The following CPSF3 variants were observed in gnomAD, a reference collection of about 807,000 sequenced individuals.
The protein encoded by CPSF3 is cleavage and polyadenylation specific factor 3, also known as cleavage and polyadenylation specificity factor subunit 3.
Under a neutral mutation model 84.1 loss-of-function variants are expected in CPSF3, and 57 were observed. The ratio of observed to expected loss-of-function variants is 0.68; its 90% CI spans 0.55 to 0.85. The LOEUF (loss-of-function observed/expected upper bound fraction) is 0.85, where lower values mean the gene tolerates loss of function less well. Among genes scored for constraint, CPSF3 ranks in the 40% least tolerant of loss-of-function variants. The pLI, the probability that CPSF3 is intolerant of heterozygous loss-of-function variation, is 0.00. For synonymous variants in CPSF3, 275 were observed against 278.1 expected, an observed-to-expected ratio of 0.99 and a Z score of 0.11; for missense variants, 522 against 838.8, an observed-to-expected ratio of 0.62 and a Z score of 4.66.
chr2:9,448,422 T>C lies in CPSF3; in HGVS notation c.1395+72T>C, dbSNP rs76965897. ...GGAAAGACTGTACTTCTTAAGAAAA[T>C]AGATCTTTAGTCAAAAGAATATGCT... is the stretch of plus-strand genomic sequence containing the variant. On this transcript the variant is annotated intron_variant, in intron 11 of 17. Transcript: ENST00000238112. The C allele has an allele frequency of 8.8e-3, 10,546 of 1,202,412 alleles. 688 individuals carry two copies. The African/African-American group carries it at 0.14, about 16-fold the overall frequency. The allele number at this position is 1,202,412 out of a possible 1,614,324, so 74.5% of individuals were successfully genotyped here.
rs138272873 is a variant in CPSF3 at position 9,436,882 on chromosome 2, G to T, written c.760+521G>T. Among the ~76,000 whole-genome samples, 35 of 152,130 alleles carry T rather than the reference G, an allele frequency of 2.3e-4. No homozygotes were observed. In the East Asian group the frequency reaches 6.8e-3, roughly 29 times the overall value. ...TGTGAACTGGCGACCCCTTCCGGTTGCCATCAGAAGTCTTAAAATATGTGT... is the reference window on the plus strand; with the variant it reads ...TGTGAACTGGCGACCCCTTCCGGTTTCCATCAGAAGTCTTAAAATATGTGT... On this transcript the variant is annotated intron_variant, in intron 7 of 17. Coordinates refer to ENST00000238112, the MANE Select transcript of CPSF3 (RefSeq NM_016207.4).
intron 15 of CPSF3, among the ~76,000 whole-genome samples, chr2:9,466,263 CAAAGA>C (rs1558466180): frequency 4.3e-5 from 2 of 46,972 alleles, no homozygotes; most frequent in African/African-American, 1.1e-4. Context: ...CACACGCACA[CAAAGA>C]CGCACGCACA....
At chr2:9,430,075 C>A in intron 3 of CPSF3, 55 bp downstream of exon 3, 1 of 1,030,820 alleles carries the variant, frequency 9.7e-7, no homozygotes, top group South Asian at 1.5e-5. Flanking sequence ...CTATCAAGAT[C>A]ATTCTTTACT....
chr2:9,457,354 GT>G (rs1681569759), intron 14 of CPSF3, among the ~76,000 whole-genome samples: 1 of 152,018 alleles, frequency 6.6e-6, no homozygotes. Flanking sequence ...GATGTCTTTA[GT>G]TATATCAGAA....
intron 15 of CPSF3, among the ~76,000 whole-genome samples, chr2:9,466,109 G>A (rs1362491485): frequency 6.6e-6 from 1 of 152,136 alleles, no homozygotes; most frequent in South Asian, 2.1e-4. Flanking sequence ...GGGAGGCACA[G>A]GGGAGCAGAT....
At chr2:9,447,657 G>A (rs1452762326) in intron 10 of CPSF3, among the ~76,000 whole-genome samples, 1 of 151,364 alleles carries the variant, frequency 6.6e-6, no homozygotes, top group East Asian at 1.9e-4. Flanking sequence ...TACCTATAGT[G>A]CCAGCTACTC....
chr2:9,432,668 A>T lies in CPSF3; in HGVS notation c.499A>T (p.Ile167Phe). The change falls in exon 5 of 18, where the codon ATT becomes TTT. Residue 167 changes from isoleucine (I) to phenylalanine (F), a missense_variant. By Grantham distance (21) the Ile-to-Phe change is conservative. Transcript: ENST00000238112. ...CGTCCTAGGAGCCGCCATGTTCATGATTGAGATCGCAGGCGTGAAGGTACC... is the reference window on the plus strand; with the variant it reads ...CGTCCTAGGAGCCGCCATGTTCATGTTTGAGATCGCAGGCGTGAAGGTACC... ...GHVLGAAMFM[I>F]EIAGVKLLYT... The T allele has an allele frequency of 6.5e-7, 1 of 1,542,670 alleles. No homozygotes were observed. Among genetic ancestry groups the T allele is most frequent in the African/African-American group, 1.3e-5 (1 of 74,252 alleles).
chr2:9,432,378 T>A, intron 4 of CPSF3, 133 bp from the exon 5 acceptor site: 1 of 596,882 alleles, frequency 1.7e-6, no homozygotes, highest in Non-Finnish European at 2.5e-6. Flanking sequence ...TGAGAAATTT[T>A]AAATACATGA....
intron 10 of CPSF3, among the ~76,000 whole-genome samples, chr2:9,446,404 C>G (rs987551167): frequency 6.6e-6 from 1 of 151,948 alleles, no homozygotes; most frequent in African/African-American, 2.4e-5. Flanking sequence ...CACGGTGAAA[C>G]CCCGTCTCTA....
intron 7 of CPSF3, among the ~76,000 whole-genome samples, chr2:9,438,676 A>C (rs947683881): frequency 6.6e-6 from 1 of 151,650 alleles, no homozygotes; most frequent in African/African-American, 2.4e-5. Flanking sequence ...TTGTATTTTT[A>C]GTAGAGACGA....
Position 9,450,966 on chromosome 2 carries a change from T to C in CPSF3, c.1396-1947T>C, listed in dbSNP as rs138395809. Among the ~76,000 whole-genome samples, 75 of 151,820 alleles carry C rather than the reference T, an allele frequency of 4.9e-4. 2 individuals are homozygous for C. The East Asian group carries it at 0.011, about 22-fold the overall frequency. ...TGAGTCTTACTGTCCACAAAACTTT[T>C]CAGGGGCCGATTTAATAGTATTTTT... On this transcript the variant is annotated intron_variant, in intron 11 of 17. Transcript: ENST00000238112.
intron 12 of CPSF3, among the ~76,000 whole-genome samples, chr2:9,454,529 C>A (rs1203749019): frequency 2.0e-5 from 3 of 147,466 alleles, no homozygotes; most frequent in Non-Finnish European, 4.5e-5. Flanking sequence ...AGTTAGTGAG[C>A]TCTTATACTC....
intron 12 of CPSF3, among the ~76,000 whole-genome samples, chr2:9,454,061 T>C (rs1681426753): frequency 6.6e-6 from 1 of 152,192 alleles, no homozygotes; most frequent in Non-Finnish European, 1.5e-5. Flanking sequence ...GTAAATACTA[T>C]GCTCAAGGTG....
In CPSF3 at chr2:9,441,858, T is replaced by C; in HGVS notation, c.977T>C (p.Met326Thr). ...HFDDIGPSVV[M>T]ASPGMMQSGL... ...GATGACATTGGTCCCAGTGTTGTAA[T>C]GGCCTCCCCAGGCATGATGCAAAGT... Residue 326 changes from methionine to threonine, a missense_variant, in exon 9 of 18, where the codon ATG becomes ACG. By Grantham distance (81) the Met-to-Thr change is moderately conservative (BLOSUM62 -1). Coordinates refer to ENST00000238112, the MANE Select transcript of CPSF3 (RefSeq NM_016207.4). The C allele has an allele frequency of 6.2e-7, 1 of 1,614,188 alleles. No homozygotes were observed. Among genetic ancestry groups the C allele is most frequent in the Non-Finnish European group, 8.5e-7 (1 of 1,180,024 alleles).
chr2:9,426,910 A>G (rs1198493523), intron 1 of CPSF3, among the ~76,000 whole-genome samples: 1 of 150,588 alleles, frequency 6.6e-6, no homozygotes, highest in Non-Finnish European at 1.5e-5. Context: ...ACTACTGAGC[A>G]GCAAGGACAG....
At chr2:9,434,085 A>G in intron 6 of CPSF3, 125 bp downstream of exon 6, 1 of 604,124 alleles carries the variant, frequency 1.7e-6, no homozygotes, top group Non-Finnish European at 2.8e-6. Flanking sequence ...TTTTTAAAAT[A>G]TAAGAAAACT....
intron 12 of CPSF3, 71 bp downstream of exon 12, chr2:9,453,092 T>G (rs1369378647): frequency 6.4e-6 from 6 of 930,634 alleles, no homozygotes; most frequent in Non-Finnish European, 9.7e-6. Context: ...AAACTTCTCT[T>G]CACCTTGTGG....
chr2:9,472,156 A>G (rs1283546713), intron 17 of CPSF3, among the ~76,000 whole-genome samples: 1 of 151,780 alleles, frequency 6.6e-6, no homozygotes, highest in African/African-American at 2.4e-5. Context: ...TCTACTAAAA[A>G]TACAAAAATT....
In CPSF3 at chr2:9,429,925, C is replaced by T. The variant is rs139906430; in HGVS notation, c.117C>T (p.Leu39=). Residue 39 remains leucine, a splice_region_variant and synonymous_variant, in exon 3 of 18, where the codon CTC becomes CTT. Coordinates refer to ENST00000238112, the MANE Select transcript of CPSF3 (RefSeq NM_016207.4). Reference sequence around the variant, plus strand: ...ATCTCTTTTCCTGTTTCTTTCAGCTCGACTGTGGGATCCACCCTGGCCTAG... The same window carrying T: ...ATCTCTTTTCCTGTTTCTTTCAGCTTGACTGTGGGATCCACCCTGGCCTAG... ...ILEFKGRKIM[L]DCGIHPGLEG... 8 of 1,589,938 alleles carry T rather than the reference C, an allele frequency of 5.0e-6. No individual in the cohort carries two copies. Among genetic ancestry groups the T allele is most frequent in the Admixed American group, 3.6e-5 (2 of 55,194 alleles).
Sources: allele counts gnomAD v4.1 joint callset (sites outside exome capture counted in the v4.1 genomes callset), GRCh38; gene constraint gnomAD v4.1.1; transcripts MANE v1.5; gene names NCBI Gene and HGNC (gene_info 2026-07-23, HGNC 2026-07-21).